VPS41: variants seen among roughly 807,000 people sequenced by gnomAD.
The protein encoded by VPS41 is VPS41 subunit of HOPS complex.
Under a neutral mutation model 130.9 loss-of-function variants are expected in VPS41, and 85 were observed. The observed-to-expected ratio is 0.65, with a 90% confidence interval of 0.55 to 0.78. VPS41 has a LOEUF of 0.78. Among genes scored for constraint, VPS41 ranks in the 30% least tolerant of loss-of-function variants. The pLI is 0.00. For synonymous variants in VPS41, 335 were observed against 332.9 expected (o/e 1.01, Z -0.07); for missense variants, 874 against 1,018.7 (o/e 0.86, Z 1.93).
chr7:38,754,801 C>G, intron 20 of VPS41, 49 bp from the exon 21 acceptor site: 1 of 1,591,992 alleles, frequency 6.3e-7, no homozygotes. Context: ...GACAGAAAGA[C>G]AGCTACAAAA....
At chr7:38,871,250 G>C (rs1237828687) in intron 2 of VPS41, among the ~76,000 whole-genome samples, 1 of 152,220 alleles carries the variant, frequency 6.6e-6, no homozygotes, top group East Asian at 1.9e-4. Context: ...ACGACTTGTA[G>C]AGTAATAAGT....
intron 25 of VPS41, 131 bp downstream of exon 25, chr7:38,741,854 T>C (rs1365081272): frequency 9.8e-7 from 1 of 1,015,670 alleles, no homozygotes; most frequent in African/African-American, 1.6e-5. Context: ...TTTCTAAATA[T>C]CTGGGCCTAA....
intron 9 of VPS41, among the ~76,000 whole-genome samples, chr7:38,793,356 C>T (rs1270641565): frequency 6.6e-6 from 1 of 152,184 alleles, no homozygotes; most frequent in Admixed American, 6.5e-5. Context: ...TGCTTCTCCC[C>T]AACAAGATTG....
chr7:38,886,491 T>C (rs887249927), intron 2 of VPS41, among the ~76,000 whole-genome samples: 1 of 152,166 alleles, frequency 6.6e-6, no homozygotes, highest in African/African-American at 2.4e-5. Context: ...GGTTCTATGC[T>C]CACAGTGTAA....
intron 2 of VPS41, among the ~76,000 whole-genome samples, chr7:38,891,786 T>C (rs1260784609): frequency 6.6e-6 from 1 of 151,912 alleles, no homozygotes; most frequent in Non-Finnish European, 1.5e-5. Context: ...ATATGGGTTA[T>C]ATGACTAAAC....
intron 3 of VPS41, among the ~76,000 whole-genome samples, chr7:38,864,365 T>C (rs1786182528): frequency 6.6e-6 from 1 of 152,140 alleles, no homozygotes; most frequent in Non-Finnish European, 1.5e-5. Flanking sequence ...ATCTTTAAAA[T>C]AGAAAGAAAA....
chr7:38,851,855 A>G (rs1584427671), intron 4 of VPS41, among the ~76,000 whole-genome samples: 4 of 152,210 alleles, frequency 2.6e-5, no homozygotes, highest in African/African-American at 9.6e-5. Context: ...TTCTAAAGGT[A>G]TATTTAGTGG....
chr7:38,870,397 A>G (rs1786324420), intron 2 of VPS41, among the ~76,000 whole-genome samples: 1 of 152,230 alleles, frequency 6.6e-6, no homozygotes, highest in Admixed American at 6.5e-5. Context: ...ATCCTGGTGA[A>G]TATCACAGTC....
At chr7:38,745,810 T>C in intron 22 of VPS41, 197 bp from the exon 23 acceptor site, 1 of 538,576 alleles carries the variant, frequency 1.9e-6, no homozygotes. Context: ...CTCTACACAA[T>C]TCAATTTAAA....
intron 5 of VPS41, among the ~76,000 whole-genome samples, chr7:38,828,896 C>T (rs1785332437): frequency 6.6e-6 from 1 of 152,086 alleles, no homozygotes; most frequent in South Asian, 2.1e-4. Context: ...ACATTTAAAG[C>T]TCTGAAAATT....
intron 17 of VPS41, among the ~76,000 whole-genome samples, chr7:38,760,571 TA>T (rs1783889206): frequency 6.6e-6 from 1 of 152,074 alleles, no homozygotes; most frequent in Non-Finnish European, 1.5e-5. Flanking sequence ...CTTATTTATT[TA>T]TTTATTTTTA....
chr7:38,816,358 G>A (rs983951678), intron 7 of VPS41, among the ~76,000 whole-genome samples: 12 of 152,132 alleles, frequency 7.9e-5, no homozygotes, highest in African/African-American at 2.2e-4. Flanking sequence ...TCATTACAAC[G>A]AGTCATGTAA....
chr7:38,769,193 CCTCT>C (rs1784109080), intron 14 of VPS41, among the ~76,000 whole-genome samples: 1 of 152,148 alleles, frequency 6.6e-6, no homozygotes, highest in African/African-American at 2.4e-5. Flanking sequence ...GGAATTCTCT[CCTCT>C]CTCAGCTCCC....
In VPS41 at chr7:38,763,687, A is replaced by T. The variant is rs1783969940; in HGVS notation, c.1330-140T>A. The T allele has an allele frequency of 1.3e-5, 7 of 523,224 alleles. No individual in the cohort carries two copies. The Admixed American group carries it at 2.2e-4, about 16-fold the overall frequency. The allele number at this position is 523,224 out of a possible 1,614,324, so 32.4% of individuals were successfully genotyped here. A position where few individuals can be genotyped will look rare whatever the true frequency, so the allele number is the denominator to read the frequency against. The stretch of plus-strand genomic sequence containing the variant: ...GTACTCTGAAAAAAATGTTTTGAAC[A>T]GGATTTAAATGAAAACTACTTTCTA... On this transcript the variant is annotated intron_variant, in intron 16 of 28. Transcript: ENST00000310301.
chr7:38,727,117 T>G, intron 27 of VPS41, 129 bp from the exon 28 acceptor site: 4 of 753,180 alleles, frequency 5.3e-6, no homozygotes, highest in Non-Finnish European at 7.7e-6. Context: ...AATGGCTTAT[T>G]TACAAAAGCA....
chr7:38,881,306 G>C (rs1192316048), intron 2 of VPS41, among the ~76,000 whole-genome samples: 1 of 152,108 alleles, frequency 6.6e-6, no homozygotes, highest in African/African-American at 2.4e-5. Context: ...GCAAAGGCAG[G>C]TTGAATCATT....
Position 38,724,750 on chromosome 7 carries a change from C to G in VPS41, c.*1496G>C, listed in dbSNP as rs13244313. ...CTGGGATTACAGGCATGTACCACCA[C>G]GCCTGGCTAATTTGTGTTTTTAGTA... is the stretch of plus-strand genomic sequence containing the variant. On this transcript the variant is annotated 3_prime_UTR_variant, in exon 29 of 29. Coordinates refer to ENST00000310301, the MANE Select transcript of VPS41 (RefSeq NM_014396.4). The G allele has an allele frequency of 6.6e-6, 1 of 152,264 alleles. No homozygotes were observed. Among genetic ancestry groups the G allele is most frequent in the Non-Finnish European group, 1.5e-5 (1 of 68,306 alleles). 9.4% of individuals were successfully genotyped at this position (152,264 alleles called of 1,614,324 possible).
At chr7:38,862,440 A>G in intron 4 of VPS41, 105 bp downstream of exon 4, 3 of 639,254 alleles carry the variant, frequency 4.7e-6, no homozygotes, top group Non-Finnish European at 7.9e-6. Flanking sequence ...TGAATTAATA[A>G]AGATCCTCTT....
chr7:38,783,954 G>A (rs529439933), intron 10 of VPS41, among the ~76,000 whole-genome samples: 21 of 152,206 alleles, frequency 1.4e-4, no homozygotes, highest in African/African-American at 5.1e-4. Flanking sequence ...ATTGAGAAAT[G>A]CAATTATAAA....
Sources: allele counts gnomAD v4.1 joint callset (sites outside exome capture counted in the v4.1 genomes callset), GRCh38; gene constraint gnomAD v4.1.1; transcripts MANE v1.5; gene names NCBI Gene and HGNC (gene_info 2026-07-23, HGNC 2026-07-21).